The following RPS6KA2 variants were observed in gnomAD, a reference collection of about 807,000 sequenced individuals.
The protein encoded by RPS6KA2 is ribosomal protein S6 kinase alpha-2.
In RPS6KA2, 42 loss-of-function variants were observed where a neutral mutation model predicts 91.8. The ratio of observed to expected loss-of-function variants is 0.46; its 90% CI spans 0.36 to 0.59. The LOEUF (loss-of-function observed/expected upper bound fraction) is 0.59. Ranked by LOEUF, RPS6KA2 falls within the 20% of genes least tolerant of loss-of-function variation. The pLI is 0.00. For missense variants in RPS6KA2, 798 were observed against 978.5 expected (o/e 0.82, Z 2.46); for synonymous variants, 414 against 393.6 (o/e 1.05, Z -0.61).
At chr6:166,625,341 C>G (rs1188350410) in intron 1 of RPS6KA2, among the ~76,000 whole-genome samples, 4 of 113,272 alleles carry the variant, frequency 3.5e-5, no homozygotes, top group Non-Finnish European at 7.2e-5. Flanking sequence ...ACCCCCCCCC[C>G]CGCTTGTTTC....
At chr6:166,757,825 C>A in intron 2 of RPS6KA2, 1 of 302,212 alleles carries the variant, frequency 3.3e-6, no homozygotes, top group South Asian at 2.6e-5. Flanking sequence ...GACAAAACCC[C>A]CGCTTTGCAA....
rs1042172013 is a variant in RPS6KA2 at position 166,437,921 on chromosome 6, A to T, written c.1333-5431T>A. ...TTCCCTGTCTTTCTTGTCTCTCTCC[A>T]TCAGTGGAGACACCGTCTCCCGGGA... On this transcript the variant is annotated intron_variant, in intron 14 of 20. Coordinates refer to ENST00000265678, the MANE Select transcript of RPS6KA2 (RefSeq NM_021135.6). This position sits in a 1 kb window ranked among gnomAD's most constrained non-coding sequence, Gnocchi z 4.3. Among the ~76,000 whole-genome samples, 5 of 152,018 alleles carry T rather than the reference A, an allele frequency of 3.3e-5. No individual in the cohort carries two copies. Among genetic ancestry groups the T allele is most frequent in the African/African-American group, 4.8e-5 (2 of 41,342 alleles).
chr6:166,704,584 A>G (rs1221590606), intron 2 of RPS6KA2, among the ~76,000 whole-genome samples: 1 of 152,210 alleles, frequency 6.6e-6, no homozygotes. Flanking sequence ...CCAGGAACAC[A>G]CTTGGATGCC....
At position 166,737,328 on chromosome 6, in the gene RPS6KA2, C is replaced by T. The variant is rs575554176; in HGVS notation, c.123+120872G>A. On this transcript the variant is annotated intron_variant, in intron 2 of 21. Transcript: ENST00000503859. The surrounding 1 kb of genome is among the most constrained non-coding windows in gnomAD (Gnocchi z 4.3). ...TGGCTGCCATGACCCTTCACCCCAG[C>T]GGCAGCCTGGTGTGATAATTGGTAG... 4.6e-4 allele frequency among the ~76,000 whole-genome samples: 70 copies of T among 152,316 alleles called. 2 individuals carry two copies. Among genetic ancestry groups the T allele is most frequent in the African/African-American group, 1.6e-3 (67 of 41,572 alleles).
intron 16 of RPS6KA2, among the ~76,000 whole-genome samples, chr6:166,427,394 GA>G (rs1778963536): frequency 6.6e-6 from 1 of 152,200 alleles, no homozygotes. Context: ...ACTGGCACAA[GA>G]CAGGGATGCC....
chr6:166,418,418 C>A lies in RPS6KA2; in HGVS notation c.1821-76G>T. On this transcript the variant is annotated intron_variant, in intron 18 of 20. Coordinates refer to ENST00000265678, the MANE Select transcript of RPS6KA2 (RefSeq NM_021135.6). This position sits in a 1 kb window ranked among gnomAD's most constrained non-coding sequence, Gnocchi z 4.9. The stretch of plus-strand genomic sequence containing the variant: ...AATAAAGTTTGCAAGTTGATATCAC[C>A]CCTTGGCTGTTCAAAGGAATAGCAC... 9.2e-7 allele frequency: 1 copy of A among 1,081,896 alleles called. No individual in the cohort carries two copies. The highest frequency in any genetic ancestry group is 1.4e-6 in the Non-Finnish European group (1 of 704,138). 67.0% of individuals were successfully genotyped at this position (1,081,896 alleles called of 1,614,324 possible). A position where few individuals can be genotyped will look rare whatever the true frequency, so the allele number is the denominator to read the frequency against.
At position 166,849,462 on chromosome 6, in the gene RPS6KA2, T is replaced by C. The variant is rs866964254; in HGVS notation, c.123+8738A>G. 2.6e-5 allele frequency among the ~76,000 whole-genome samples: 4 copies of C among 152,124 alleles called. No homozygotes were observed. Among genetic ancestry groups the C allele is most frequent in the Non-Finnish European group, 4.4e-5 (3 of 68,028 alleles). ...CAGCACAGGGCCAGACACACAGTTA[T>C]CACTCCCCAGACTTTGCCCGAAGAA... On this transcript the variant is annotated intron_variant, in intron 2 of 21. Transcript: ENST00000503859. The surrounding 1 kb of genome is among the most constrained non-coding windows in gnomAD (Gnocchi z 4.9).
chr6:166,836,437 G>A (rs1026019958), intron 2 of RPS6KA2, among the ~76,000 whole-genome samples: 3 of 101,726 alleles, frequency 2.9e-5, no homozygotes, highest in Non-Finnish European at 5.3e-5. Context: ...ACTATACAGT[G>A]AGTAAATATA....
intron 2 of RPS6KA2, among the ~76,000 whole-genome samples, chr6:166,857,247 T>A (rs1450757898): frequency 2.0e-5 from 3 of 152,208 alleles, no homozygotes; most frequent in Admixed American, 2.0e-4. Context: ...TGCCAGCTAT[T>A]TTAAAAGTCA....
chr6:166,517,536 C>T (rs533482019), intron 3 of RPS6KA2, among the ~76,000 whole-genome samples: 8 of 139,398 alleles, frequency 5.7e-5, no homozygotes, highest in Admixed American at 2.3e-4. Context: ...ACTGCAGTGG[C>T]GCAATCTCGG....
chr6:166,657,961 G>A (rs371023175), intron 2 of RPS6KA2, among the ~76,000 whole-genome samples: 5 of 152,264 alleles, frequency 3.3e-5, no homozygotes, highest in South Asian at 2.1e-4. Context: ...TCGGCTCACC[G>A]CAACTTCCAC....
At chr6:166,414,423 A>G (rs534995882) in intron 19 of RPS6KA2, among the ~76,000 whole-genome samples, 21 of 152,370 alleles carry the variant, frequency 1.4e-4, no homozygotes, top group Admixed American at 1.3e-3. Context: ...TTCATGTGCA[A>G]TAATGGTATT....
intron 2 of RPS6KA2, among the ~76,000 whole-genome samples, chr6:166,818,734 T>TTA (rs1779832182): frequency 6.6e-6 from 1 of 152,200 alleles, no homozygotes; most frequent in African/African-American, 2.4e-5. Flanking sequence ...AGTCGAGATG[T>TTA]TATAATCCAA....
intron 2 of RPS6KA2, among the ~76,000 whole-genome samples, chr6:166,813,791 C>A (rs560558909): frequency 6.6e-6 from 1 of 152,138 alleles, no homozygotes; most frequent in Non-Finnish European, 1.5e-5. Flanking sequence ...ACTCTTGGAA[C>A]ATTATTCTTT....
intron 2 of RPS6KA2, among the ~76,000 whole-genome samples, chr6:166,673,463 T>TG (rs945170750): frequency 1.3e-5 from 2 of 152,248 alleles, no homozygotes; most frequent in Non-Finnish European, 2.9e-5. Context: ...TCGCTGTCCC[T>TG]GGGGGGCTCC....
At position 166,639,389 on chromosome 6, in the gene RPS6KA2, G is replaced by A. The variant is rs150285169; in HGVS notation, c.124-100605C>T. 2.0e-3 allele frequency among the ~76,000 whole-genome samples: 303 copies of A among 152,246 alleles called. 4 individuals are homozygous for A. Among genetic ancestry groups the A allele is most frequent in the Admixed American group, 4.3e-3 (66 of 15,304 alleles). On this transcript the variant is annotated intron_variant, in intron 2 of 21. Coordinates refer to the RPS6KA2 transcript ENST00000503859. This position sits in a 1 kb window ranked among gnomAD's most constrained non-coding sequence, Gnocchi z 4.2. The stretch of plus-strand genomic sequence containing the variant: ...CCAACCCTGCCCTCCATAACACAGC[G>A]TGGGTCCTCCTTAGCTCTTGCCAGA...
intron 3 of RPS6KA2, among the ~76,000 whole-genome samples, 195 bp from the exon 4 acceptor site, chr6:166,510,552 CTCAT>C (rs1202703277): frequency 2.6e-4 from 17 of 66,518 alleles, no homozygotes; most frequent in African/African-American, 8.2e-4. Context: ...CTTTCTCTCT[CTCAT>C]ATATATATAT....
At chr6:166,769,710 G>T (rs573951787) in intron 2 of RPS6KA2, among the ~76,000 whole-genome samples, 62 of 152,206 alleles carry the variant, frequency 4.1e-4, no homozygotes, top group Non-Finnish European at 2.1e-4. Flanking sequence ...AGCATTGTGG[G>T]CAATGGAATG....
chr6:166,609,672 GT>G (rs1338592853), intron 1 of RPS6KA2, among the ~76,000 whole-genome samples: 2 of 151,882 alleles, frequency 1.3e-5, no homozygotes, highest in Non-Finnish European at 2.9e-5. Context: ...GCTAATTTTT[GT>G]ATTTTTAGTA....
Sources: allele counts gnomAD v4.1 joint callset (sites outside exome capture counted in the v4.1 genomes callset), GRCh38; gene constraint gnomAD v4.1.1; non-coding constraint Gnocchi (gnomAD v3.1); transcripts MANE v1.5; gene names NCBI Gene and HGNC (gene_info 2026-07-23, HGNC 2026-07-21).